Variants in BICC1 observed in about 807,000 individuals in gnomAD.
BICC1 encodes the protein protein bicaudal C homolog 1.
In BICC1, 43 loss-of-function variants were observed where a neutral mutation model predicts 111.0. The observed-to-expected ratio is 0.39, with a 90% confidence interval of 0.30 to 0.50. The LOEUF (loss-of-function observed/expected upper bound fraction) is 0.50. Ranked by LOEUF, BICC1 falls within the 20% of genes least tolerant of loss-of-function variation. BICC1 has a pLI of 0.88. For synonymous variants in BICC1, 467 were observed against 434.4 expected (o/e 1.07, Z -0.93); for missense variants, 1,091 against 1,203.2 (o/e 0.91, Z 1.38).
chr10:58,532,989 G>A (rs1842721298), intron 1 of BICC1, among the ~76,000 whole-genome samples: 1 of 151,786 alleles, frequency 6.6e-6, no homozygotes. Flanking sequence ...AGTTTTATGA[G>A]ATATTCAAGG....
chr10:58,553,382 C>A (rs1843351636), intron 1 of BICC1, among the ~76,000 whole-genome samples: 1 of 152,232 alleles, frequency 6.6e-6, no homozygotes, highest in South Asian at 2.1e-4. Context: ...AATTGTTGGA[C>A]TTCAAGATGG....
At chr10:58,676,313 G>A (rs946542856) in intron 2 of BICC1, among the ~76,000 whole-genome samples, 8 of 152,198 alleles carry the variant, frequency 5.3e-5, no homozygotes, top group Non-Finnish European at 1.0e-4. Context: ...AAGCCAGGAT[G>A]CCAAGTGGTC....
At chr10:58,516,155 A>T (rs1489038465) in intron 1 of BICC1, among the ~76,000 whole-genome samples, 1 of 152,128 alleles carries the variant, frequency 6.6e-6, no homozygotes, top group Non-Finnish European at 1.5e-5. Context: ...TCTATTTACA[A>T]TTGACTTAAA....
intron 17 of BICC1, among the ~76,000 whole-genome samples, chr10:58,808,147 G>C (rs994658934): frequency 1.3e-5 from 2 of 151,128 alleles, no homozygotes; most frequent in Non-Finnish European, 2.9e-5. Flanking sequence ...AGTCTCCTGT[G>C]AATTTCATTT....
rs955596192 is a variant in BICC1, at chr10:58,512,893, C to CG, written c.-245dup. On this transcript the variant is annotated 5_prime_UTR_variant, in exon 1 of 21. Transcript: ENST00000373886. ...GCTCATTCCGCGCGGGCGTTGCTGG[C>CG]GGGGGGCGGCGCAGCCACTGGACCC... Among the ~76,000 whole-genome samples the CG allele has an allele frequency of 4.1e-5, 6 of 147,148 alleles. No homozygotes were observed. The highest frequency in any genetic ancestry group is 9.1e-5 in the Non-Finnish European group (6 of 66,130).
At chr10:58,800,126 G>T in intron 12 of BICC1, 68 bp from the exon 13 acceptor site, 1 of 1,266,722 alleles carries the variant, frequency 7.9e-7, no homozygotes, top group South Asian at 1.5e-5. Flanking sequence ...AAATGGGATT[G>T]TGTTCTTGAT....
intron 3 of BICC1, among the ~76,000 whole-genome samples, chr10:58,709,083 G>A (rs770019844): frequency 2.0e-5 from 3 of 152,084 alleles, no homozygotes; most frequent in Non-Finnish European, 4.4e-5. Flanking sequence ...CTCTCTTGTA[G>A]CTATTTGAAA....
At chr10:58,605,729 AG>A (rs1845188991) in intron 1 of BICC1, among the ~76,000 whole-genome samples, 1 of 152,224 alleles carries the variant, frequency 6.6e-6, no homozygotes, top group African/African-American at 2.4e-5. Flanking sequence ...ATGTCAAAAA[AG>A]GCTGTATTTG....
At chr10:58,686,086 T>C (rs912401125) in intron 2 of BICC1, among the ~76,000 whole-genome samples, 3 of 152,122 alleles carry the variant, frequency 2.0e-5, no homozygotes, top group African/African-American at 4.8e-5. Flanking sequence ...TCAGCATTTG[T>C]TTGTCTGTAA....
chr10:58,736,499 A>G lies in BICC1; in HGVS notation c.307+34356A>G, dbSNP rs559174546. 5.9e-5 allele frequency among the ~76,000 whole-genome samples: 9 copies of G among 152,266 alleles called. No homozygotes were observed. The East Asian group carries it at 9.7e-4, about 16-fold the overall frequency. ...TCTTTTTGTGAAAAATCAAGTACCA[A>G]ATATCTAAGGTGAGTCATCAGAGGT... On this transcript the variant is annotated intron_variant, in intron 3 of 20. Transcript: ENST00000373886.
chr10:58,713,744 G>A (rs1369765214), intron 3 of BICC1, among the ~76,000 whole-genome samples: 1 of 152,214 alleles, frequency 6.6e-6, no homozygotes, highest in Non-Finnish European at 1.5e-5. Context: ...TCTTCAAAAA[G>A]AAAGGCAATC....
intron 2 of BICC1, among the ~76,000 whole-genome samples, chr10:58,656,458 C>T (rs1346422687): frequency 1.3e-5 from 2 of 150,068 alleles, no homozygotes; most frequent in Admixed American, 6.7e-5. Flanking sequence ...CAATAAAATA[C>T]TGGCAAAATG....
chr10:58,802,056 C>A (rs1843563449), intron 14 of BICC1, among the ~76,000 whole-genome samples: 1 of 152,184 alleles, frequency 6.6e-6, no homozygotes, highest in South Asian at 2.1e-4. Flanking sequence ...TTGATCTATC[C>A]TTTATTTTGC....
At chr10:58,785,573 C>T (rs1014353193) in intron 4 of BICC1, among the ~76,000 whole-genome samples, 3 of 152,014 alleles carry the variant, frequency 2.0e-5, no homozygotes, top group Admixed American at 1.3e-4. Context: ...CTCTCTCTCT[C>T]TCTGTAAGTA....
At chr10:58,524,198 T>C (rs1842468885) in intron 1 of BICC1, among the ~76,000 whole-genome samples, 1 of 152,078 alleles carries the variant, frequency 6.6e-6, no homozygotes, top group South Asian at 2.1e-4. Context: ...TGGAAAAAAC[T>C]ACTTTAAAGT....
chr10:58,807,185 C>G (rs755056784), intron 17 of BICC1, 27 bp downstream of exon 17: 1 of 1,591,382 alleles, frequency 6.3e-7, no homozygotes, highest in Non-Finnish European at 8.6e-7. Flanking sequence ...CCTACTCATT[C>G]TTCCTGTCTG....
At chr10:58,613,402 A>G (rs566167426) in intron 1 of BICC1, among the ~76,000 whole-genome samples, 6 of 152,340 alleles carry the variant, frequency 3.9e-5, no homozygotes, top group South Asian at 2.1e-4. Context: ...CAAAGACTCA[A>G]TAGAAGTATT....
intron 2 of BICC1, among the ~76,000 whole-genome samples, chr10:58,621,903 T>TTAGAACAGAATAGAATAGAATAGAA (rs1845821051): frequency 2.2e-5 from 1 of 44,742 alleles, no homozygotes. Context: ...GTCTCTAAAA[T>TTAGAACAGAATAGAATAGAATAGAA]TAGAATAGAA....
chr10:58,812,755 G>A lies in BICC1; in HGVS notation c.2377-1075G>A, dbSNP rs142705332. On this transcript the variant is annotated intron_variant, in intron 17 of 20. Coordinates refer to ENST00000373886, the MANE Select transcript of BICC1 (RefSeq NM_001080512.3). ...GGCCTCCCAAAGTGCTGGAATTACA[G>A]GTGTGAGCCACTGCACCCGGCCTAT... Among the ~76,000 whole-genome samples the A allele has an allele frequency of 5.6e-4, 86 of 152,244 alleles. 1 individual carries two copies. In the East Asian group the frequency reaches 0.013, roughly 23 times the overall value.
Sources: allele counts gnomAD v4.1 joint callset (sites outside exome capture counted in the v4.1 genomes callset), GRCh38; gene constraint gnomAD v4.1.1; transcripts MANE v1.5; gene names NCBI Gene and HGNC (gene_info 2026-07-23, HGNC 2026-07-21).